The following TCP11 variants were observed in gnomAD, a reference collection of about 807,000 sequenced individuals.
TCP11 encodes the protein t-complex 11, also known as T-complex protein 11 homolog.
TCP11 carries 34 observed loss-of-function variants against 45.0 expected under a neutral mutation model. That is an observed-to-expected ratio of 0.76 (90% CI 0.57 to 1.01). TCP11 has a LOEUF of 1.01. Among genes scored for constraint, TCP11 ranks in the 50% least tolerant of loss-of-function variants. The pLI is 0.00. For missense variants in TCP11, 523 were observed against 598.1 expected (o/e 0.87, Z 1.31); for synonymous variants, 227 against 227.0 (o/e 1.00, Z 0.00).
intron 9 of TCP11, 111 bp from the exon 10 acceptor site, chr6:35,118,612 TG>T: frequency 1.1e-6 from 1 of 926,642 alleles, no homozygotes; most frequent in Non-Finnish European, 1.6e-6. Flanking sequence ...TGTACCAACC[TG>T]CCCCCCTACC....
intron 4 of TCP11, 176 bp downstream of exon 4, chr6:35,128,886 G>C: frequency 1.3e-6 from 1 of 781,648 alleles, no homozygotes; most frequent in South Asian, 2.1e-5. Flanking sequence ...CCTACTCTCT[G>C]TTATAATAAT....
rs1213148786 is a variant in TCP11, at chr6:35,122,325, G to A, written c.370C>T (p.Leu124=). The A allele has an allele frequency of 1.7e-5, 28 of 1,614,020 alleles. No homozygotes were observed. The highest frequency in any genetic ancestry group is 2.2e-5 in the Non-Finnish European group (26 of 1,180,034). Residue 124 remains leucine (L), a synonymous_variant, in exon 5 of 10, where the codon CTG becomes TTG. Coordinates refer to ENST00000311875, the MANE Select transcript of TCP11 (RefSeq NM_001370687.1). ...AGGCGGTTCTGGCGTGGTAATAGCA[G>A]TGATAGCAAGATCTGCCCAGGAAAG... ...LKEIKEILLS[L]LLPRQNRLRI... is the part of the protein sequence containing the mutation.
intron 3 of TCP11, 101 bp from the exon 4 acceptor site, chr6:35,129,283 C>T: frequency 7.1e-7 from 1 of 1,408,512 alleles, no homozygotes; most frequent in Non-Finnish European, 9.5e-7. Flanking sequence ...GGTAAAAGGC[C>T]ATTATAATAA....
chr6:35,138,502 CACTTATTTGTG>C (rs1002959323), intron 2 of TCP11, among the ~76,000 whole-genome samples: 5 of 149,356 alleles, frequency 3.3e-5, no homozygotes, highest in African/African-American at 1.2e-4. Flanking sequence ...CACATGTTCT[CACTTATTTGTG>C]GGAGCTAAAA....
At chr6:35,141,067 T>G (rs972032928) in intron 1 of TCP11, 138 bp downstream of exon 1, 2 of 1,220,200 alleles carry the variant, frequency 1.6e-6, no homozygotes, top group African/African-American at 3.2e-5. Flanking sequence ...AGTGGAGCGC[T>G]GGGCGGCAAC....
Position 35,118,495 on chromosome 6 carries a change from C to T in TCP11, c.1286G>A (p.Arg429Gln), listed in dbSNP as rs2234051. 6.0e-3 allele frequency: 9,735 copies of T among 1,613,334 alleles called. 63 individuals carry two copies. Among genetic ancestry groups the T allele is most frequent in the South Asian group, 0.018 (1,661 of 90,936 alleles). ...ACAGCATTTGAGAAACAAATGGATCCGCTGATCTGTGAGCAGGAAAAGACA... is the reference window on the plus strand; with the variant it reads ...ACAGCATTTGAGAAACAAATGGATCTGCTGATCTGTGAGCAGGAAAAGACA... ...ENCVCSVIDQRIHLFLKCCLV... is the reference protein window; with the variant it reads ...ENCVCSVIDQQIHLFLKCCLV... The change falls in exon 10 of 10, where the codon CGG (arginine) becomes CAG (glutamine). Residue 429 changes from arginine to glutamine, a missense_variant. By Grantham distance (43) the Arg-to-Gln change is conservative (BLOSUM62 1). This residue lies in a region of TCP11 where 298 missense variants were observed against 387.9 expected (regional missense o/e 0.77). Coordinates refer to ENST00000311875, the MANE Select transcript of TCP11 (RefSeq NM_001370687.1).
chr6:35,129,635 A>G (rs905766581), intron 3 of TCP11, among the ~76,000 whole-genome samples: 2 of 152,214 alleles, frequency 1.3e-5, no homozygotes, highest in African/African-American at 4.8e-5. Context: ...CGTATCTAAA[A>G]CTAAATTCAT....
intron 3 of TCP11, among the ~76,000 whole-genome samples, chr6:35,133,188 T>A (rs1022117694): frequency 2.6e-5 from 4 of 152,180 alleles, no homozygotes; most frequent in Non-Finnish European, 5.9e-5. Context: ...TACAATCTTT[T>A]TTTTTAGAGA....
intron 3 of TCP11, among the ~76,000 whole-genome samples, chr6:35,133,878 G>T (rs916501916): frequency 3.3e-5 from 5 of 152,062 alleles, no homozygotes; most frequent in African/African-American, 1.2e-4. Flanking sequence ...TTACTGAATG[G>T]TTCTTCTTTA....
rs187695732 is a variant in TCP11 at position 35,132,633 on chromosome 6, C to G, written c.237-3451G>C. 8.3e-4 allele frequency among the ~76,000 whole-genome samples: 126 copies of G among 152,312 alleles called. 1 individual carries two copies. The highest frequency in any genetic ancestry group is 3.9e-3 in the Admixed American group (59 of 15,302). Reference sequence around the variant, plus strand: ...ATCATCCTATGAACCTAAGGTAAAGCCAACTGCCAATAATGAGTAACCTCA... The same window carrying G: ...ATCATCCTATGAACCTAAGGTAAAGGCAACTGCCAATAATGAGTAACCTCA... On this transcript the variant is annotated intron_variant, in intron 3 of 9. Coordinates refer to ENST00000311875, the MANE Select transcript of TCP11 (RefSeq NM_001370687.1).
intron 2 of TCP11, chr6:35,140,239 G>A (rs1010352612): frequency 3.5e-5 from 52 of 1,502,556 alleles, no homozygotes; most frequent in Non-Finnish European, 4.5e-5. Flanking sequence ...GAGATTAAGA[G>A]AAATACAGCA....
chr6:35,120,923 A>G lies in TCP11; in HGVS notation c.701T>C (p.Leu234Pro). ...TATATACATACTAGGCTGCTTATTG[A>G]GGAGTTCCTGGAATTTAGCCCGTTC... ...QYERAKFQEL[L>P]NKQPSLLNHT... is the part of the protein sequence containing the mutation. The change falls in exon 6 of 10, where the codon CTC becomes CCC. Residue 234 changes from leucine to proline, a missense_variant. This residue lies in a region of TCP11 where 298 missense variants were observed against 387.9 expected (regional missense o/e 0.77). Transcript: ENST00000311875. This position sits in a 1 kb window ranked among gnomAD's most constrained non-coding sequence, Gnocchi z 4.9. 6.2e-7 allele frequency: 1 copy of G among 1,613,722 alleles called. No homozygotes were observed. The highest frequency in any genetic ancestry group is 1.3e-5 in the African/African-American group (1 of 74,990).
At chr6:35,133,864 A>T (rs2127677638) in intron 3 of TCP11, among the ~76,000 whole-genome samples, 1 of 152,298 alleles carries the variant, frequency 6.6e-6, no homozygotes, top group South Asian at 2.1e-4. Flanking sequence ...AATTCAATTC[A>T]TACTTACTGA....
At position 35,120,649 on chromosome 6, in the gene TCP11, A is replaced by G; in HGVS notation, c.716-3T>C. 1 of 1,612,602 alleles carries G rather than the reference A, an allele frequency of 6.2e-7. No individual in the cohort carries two copies. The highest frequency in any genetic ancestry group is 1.1e-5 in the South Asian group (1 of 90,790). On this transcript the variant is annotated splice_region_variant and splice_polypyrimidine_tract_variant and intron_variant, in intron 6 of 9. Coordinates refer to ENST00000311875, the MANE Select transcript of TCP11 (RefSeq NM_001370687.1). This position sits in a 1 kb window ranked among gnomAD's most constrained non-coding sequence, Gnocchi z 4.9. The stretch of plus-strand genomic sequence containing the variant: ...TTTGGTGGTGTGATTAAGGAGACCT[A>G]TGACAGGTAAGGGAGTGTGTAAGCA...
chr6:35,141,028 G>T, intron 1 of TCP11, 144 bp from the exon 2 acceptor site: 1 of 1,243,020 alleles, frequency 8.0e-7, no homozygotes, highest in Non-Finnish European at 1.0e-6. Context: ...AAAGGAGCGT[G>T]GAGGAGCGGA....
chr6:35,123,014 C>T (rs2127648190), intron 4 of TCP11, among the ~76,000 whole-genome samples: 1 of 152,310 alleles, frequency 6.6e-6, no homozygotes, highest in East Asian at 1.9e-4. Flanking sequence ...CAAATCTACC[C>T]TTCAGTGCCT....
At chr6:35,134,922 C>T (rs1780888350) in intron 3 of TCP11, among the ~76,000 whole-genome samples, 1 of 151,746 alleles carries the variant, frequency 6.6e-6, no homozygotes, top group African/African-American at 2.4e-5. Context: ...GAGGACAAGG[C>T]GGATCACCTG....
At chr6:35,123,653 T>TTC (rs1170265204) in intron 4 of TCP11, among the ~76,000 whole-genome samples, 5 of 89,292 alleles carry the variant, frequency 5.6e-5, no homozygotes, top group Non-Finnish European at 8.6e-5. Context: ...TTTTCTTTCT[T>TTC]TTTTTTTTTT....
intron 9 of TCP11, 145 bp downstream of exon 9, chr6:35,119,083 T>C (rs548558884): frequency 2.0e-5 from 21 of 1,066,870 alleles, no homozygotes; most frequent in South Asian, 1.6e-4. Context: ...GAGACGGATA[T>C]GATTTCAACC....
Sources: allele counts gnomAD v4.1 joint callset (sites outside exome capture counted in the v4.1 genomes callset), GRCh38; gene constraint gnomAD v4.1.1; regional missense constraint gnomAD v4.1.1; non-coding constraint Gnocchi (gnomAD v3.1); transcripts MANE v1.5; gene names NCBI Gene and HGNC (gene_info 2026-07-23, HGNC 2026-07-21).